The following RBM19 variants were observed in gnomAD, a reference collection of about 807,000 sequenced individuals.
RBM19 encodes the protein RNA binding motif protein 19.
A neutral mutation model predicts 116.8 loss-of-function variants in RBM19; 94 were observed. The observed-to-expected ratio is 0.80, with a 90% CI of 0.68 to 0.95. The LOEUF is 0.95. Among genes scored for constraint, RBM19 ranks in the 40% least tolerant of loss-of-function variants. The pLI, the probability that RBM19 is intolerant of heterozygous loss-of-function variation, is 0.00. For synonymous variants in RBM19, 475 were observed against 494.1 expected (o/e 0.96, Z 0.51); for missense variants, 1,161 against 1,220.7 (o/e 0.95, Z 0.73).
chr12:113,849,475 C>T (rs904503148), intron 22 of RBM19, among the ~76,000 whole-genome samples: 20 of 152,212 alleles, frequency 1.3e-4, no homozygotes, highest in Non-Finnish European at 1.6e-4. Flanking sequence ...ACAAACGCAA[C>T]GGGGATAGGA....
rs1481470711 is a variant in RBM19, at chr12:113,960,145, T to A, written c.253A>T (p.Lys85Ter). ...GCATGTTTGCTCCAGGCTCTGGGTT[T>A]GGCCGGGTCCCCGAATGACTTGCAG... ...EFCKSFGDPA[K>*]PRAWSKHAQK... Residue 85 changes from lysine to a stop codon, truncating the protein, a stop_gained, in exon 3 of 24, where the codon AAA becomes TAA. Transcript: ENST00000261741. LOFTEE classifies it high-confidence loss of function. 6.2e-7 allele frequency: 1 copy of A among 1,613,918 alleles called. No homozygotes were observed. The highest frequency in any genetic ancestry group is 8.5e-7 in the Non-Finnish European group (1 of 1,180,030).
intron 15 of RBM19, 54 bp downstream of exon 15, chr12:113,939,906 A>G (rs1870404294): frequency 6.3e-7 from 1 of 1,582,710 alleles, no homozygotes; most frequent in African/African-American, 1.3e-5. Flanking sequence ...TCTCCCTTGA[A>G]GCAGCCCTCA....
intron 16 of RBM19, among the ~76,000 whole-genome samples, chr12:113,931,450 C>A (rs533283752): frequency 1.5e-3 from 228 of 152,230 alleles, no homozygotes; most frequent in African/African-American, 5.1e-3. Flanking sequence ...CATACACCTG[C>A]GCTTTGCTGG....
rs751780323 is a variant in RBM19 at position 113,844,699 on chromosome 12, G to A, written c.2754C>T (p.Ala918=). The part of the protein sequence containing the change: ...EWADSEVTLQ[A]LRRKTAAHFH... ...AGTGAGCGGCCGTCTTCCGCCGCAG[G>A]GCCTGCAGGGTCACCTCGGAGTCGG... The change falls in exon 23 of 24, where the codon GCC becomes GCT. Residue 918 remains alanine, a synonymous_variant. Coordinates refer to ENST00000261741, the MANE Select transcript of RBM19 (RefSeq NM_016196.4). 1 of 1,612,676 alleles carries A rather than the reference G, an allele frequency of 6.2e-7. No individual in the cohort carries two copies. The highest frequency in any genetic ancestry group is 1.1e-5 in the South Asian group (1 of 90,840).
intron 16 of RBM19, among the ~76,000 whole-genome samples, chr12:113,931,711 G>C (rs557607332): frequency 6.6e-6 from 1 of 152,150 alleles, no homozygotes; most frequent in African/African-American, 2.4e-5. Context: ...CAGGGCCTTT[G>C]CACCTGCTGG....
chr12:113,918,352 C>T (rs756175207), intron 20 of RBM19, 40 bp downstream of exon 20: 13 of 1,610,838 alleles, frequency 8.1e-6, no homozygotes, highest in Non-Finnish European at 1.0e-5. Flanking sequence ...ACAGGAAGCC[C>T]CAGCTCGTAG....
intron 16 of RBM19, among the ~76,000 whole-genome samples, chr12:113,934,204 C>T (rs754914788): frequency 5.9e-5 from 9 of 152,248 alleles, no homozygotes; most frequent in Non-Finnish European, 1.3e-4. Flanking sequence ...CCTCCTGCCT[C>T]AGCCTCCCAA....
intron 20 of RBM19, among the ~76,000 whole-genome samples, chr12:113,918,168 A>T (rs1882889418): frequency 6.6e-6 from 1 of 152,168 alleles, no homozygotes; most frequent in South Asian, 2.1e-4. Context: ...TGTGCATTAA[A>T]CATTCACCCA....
chr12:113,845,395 C>G (rs1876876613), intron 22 of RBM19, among the ~76,000 whole-genome samples: 1 of 152,170 alleles, frequency 6.6e-6, no homozygotes, highest in Non-Finnish European at 1.5e-5. Context: ...CCCGCTTACT[C>G]TTTGCTGTTC....
At chr12:113,879,431 T>TATA (rs1879928070) in intron 21 of RBM19, among the ~76,000 whole-genome samples, 3 of 132,630 alleles carry the variant, frequency 2.3e-5, no homozygotes, top group Admixed American at 8.4e-5. Context: ...TACATACATT[T>TATA]TATATATATA....
intron 21 of RBM19, among the ~76,000 whole-genome samples, chr12:113,894,687 T>G (rs568140225): frequency 1.3e-5 from 2 of 152,384 alleles, no homozygotes; most frequent in East Asian, 3.9e-4. Context: ...GGAATCTACC[T>G]GCTTACAGAG....
At chr12:113,834,900 TGA>T (rs1875742864) in intron 23 of RBM19, among the ~76,000 whole-genome samples, 1 of 152,232 alleles carries the variant, frequency 6.6e-6, no homozygotes, top group African/African-American at 2.4e-5. Flanking sequence ...GAAATGAGAC[TGA>T]GTTACGTAAA....
intron 21 of RBM19, among the ~76,000 whole-genome samples, chr12:113,890,313 C>T (rs986630990): frequency 6.6e-6 from 1 of 152,154 alleles, no homozygotes; most frequent in East Asian, 1.9e-4. Flanking sequence ...CTGCTGTTTT[C>T]TTTTCCTCCC....
At chr12:113,892,008 C>A (rs1337981172) in intron 21 of RBM19, among the ~76,000 whole-genome samples, 1 of 152,132 alleles carries the variant, frequency 6.6e-6, no homozygotes, top group East Asian at 1.9e-4. Context: ...TCTGTGTCAC[C>A]CGTGTCTACT....
intron 21 of RBM19, among the ~76,000 whole-genome samples, chr12:113,902,802 G>C (rs886928773): frequency 4.6e-5 from 7 of 152,160 alleles, no homozygotes; most frequent in African/African-American, 1.7e-4. Flanking sequence ...CCTACTGAAA[G>C]ACATTTGGGT....
At chr12:113,843,885 T>TC (rs1876718334) in intron 23 of RBM19, among the ~76,000 whole-genome samples, 1 of 152,210 alleles carries the variant, frequency 6.6e-6, no homozygotes, top group Non-Finnish European at 1.5e-5. Context: ...CCTCCCTGTT[T>TC]CTCACACATA....
chr12:113,944,684 A>T (rs1386073321), intron 13 of RBM19, among the ~76,000 whole-genome samples: 1 of 144,292 alleles, frequency 6.9e-6, no homozygotes, highest in Non-Finnish European at 1.5e-5. Context: ...AGTCCTAGCC[A>T]CTCGGGAGGT....
chr12:113,949,169 C>A, intron 9 of RBM19, 133 bp from the exon 10 acceptor site: 1 of 799,198 alleles, frequency 1.3e-6, no homozygotes. Flanking sequence ...GCACCCAACA[C>A]CTGCCCTGTC....
chr12:113,904,342 C>G (rs1341671475), intron 21 of RBM19, among the ~76,000 whole-genome samples: 1 of 152,138 alleles, frequency 6.6e-6, no homozygotes, highest in Non-Finnish European at 1.5e-5. Context: ...AAACTCTTTC[C>G]CTTGAATTCA....
Sources: gnomAD v4.1 joint callset for allele counts (sites outside exome capture counted in the v4.1 genomes callset) on GRCh38, gnomAD v4.1.1 for gene constraint, MANE v1.5 for transcripts, NCBI Gene and HGNC (gene_info 2026-07-23, HGNC 2026-07-21) for gene names.